The following URI1 variants were observed in gnomAD, a reference collection of about 807,000 sequenced individuals.
The protein encoded by URI1 is unconventional prefoldin RPB5 interactor 1.
Under a neutral mutation model 60.2 loss-of-function variants are expected in URI1, and 39 were observed. The observed-to-expected ratio is 0.65, with a 90% CI of 0.50 to 0.85. The LOEUF (loss-of-function observed/expected upper bound fraction) is 0.85, where lower values mean the gene tolerates loss of function less well. Among genes scored for constraint, URI1 ranks in the 40% least tolerant of loss-of-function variants. The probability of loss-of-function intolerance (pLI) is 0.00; values close to 1 mark genes in which losing one functional copy is unlikely to be tolerated. For synonymous variants in URI1, 251 were observed against 236.8 expected (o/e 1.06, Z -0.55); for missense variants, 691 against 665.9 (o/e 1.04, Z -0.42).
intron 4 of URI1, among the ~76,000 whole-genome samples, chr19:30,002,805 G>C (rs987348462): frequency 2.0e-5 from 3 of 151,812 alleles, no homozygotes; most frequent in African/African-American, 7.2e-5. Context: ...TAAAATGTTT[G>C]AGATTAAAAT....
chr19:29,959,487 A>G (rs943050128), intron 1 of URI1, among the ~76,000 whole-genome samples: 2 of 152,182 alleles, frequency 1.3e-5, no homozygotes, highest in East Asian at 1.9e-4. Flanking sequence ...TCTGGGCCCA[A>G]TATTTTTCTT....
chr19:29,934,300 ATAGT>A (rs1165773088), intron 1 of URI1, among the ~76,000 whole-genome samples: 1 of 152,088 alleles, frequency 6.6e-6, no homozygotes, highest in African/African-American at 2.4e-5. Context: ...CCTAAGCCAC[ATAGT>A]TAGGTTATTG....
chr19:29,953,245 G>A (rs1364707918), intron 1 of URI1, among the ~76,000 whole-genome samples: 2 of 152,038 alleles, frequency 1.3e-5, no homozygotes, highest in East Asian at 1.9e-4. Context: ...TTAAAATTAA[G>A]TAAAATAAAA....
At chr19:29,985,880 CAA>C (rs1023129067) in intron 3 of URI1, among the ~76,000 whole-genome samples, 51 of 152,274 alleles carry the variant, frequency 3.3e-4, no homozygotes, top group African/African-American at 1.2e-3. Context: ...TCCTGCTTTG[CAA>C]AAGTGTCTAC....
At chr19:29,936,202 C>T (rs2145206653) in intron 1 of URI1, among the ~76,000 whole-genome samples, 1 of 152,272 alleles carries the variant, frequency 6.6e-6, no homozygotes, top group African/African-American at 2.4e-5. Context: ...TTCCCAGGTT[C>T]AAGCAATTCT....
chr19:29,931,910 T>TTTTGTGTGTG (rs1555734364), intron 1 of URI1, among the ~76,000 whole-genome samples: 1 of 139,992 alleles, frequency 7.1e-6, no homozygotes, highest in Non-Finnish European at 1.5e-5. Flanking sequence ...GCTCTAACAG[T>TTTTGTGTGTG]TGTGTGTGTG....
intron 4 of URI1, among the ~76,000 whole-genome samples, chr19:29,993,111 G>T (rs893151685): frequency 2.6e-5 from 4 of 152,072 alleles, no homozygotes; most frequent in Non-Finnish European, 4.4e-5. Context: ...TGCATACTTA[G>T]TCTTCATTTT....
At chr19:29,982,295 A>C (rs1180167321) in intron 2 of URI1, among the ~76,000 whole-genome samples, 1 of 152,232 alleles carries the variant, frequency 6.6e-6, no homozygotes, top group East Asian at 1.9e-4. Context: ...AATTATTAAT[A>C]AGTTGAAAAC....
At chr19:29,978,548 T>G (rs2055553812) in intron 2 of URI1, among the ~76,000 whole-genome samples, 2 of 152,168 alleles carry the variant, frequency 1.3e-5, no homozygotes, top group African/African-American at 4.8e-5. Flanking sequence ...CACAGAGTCC[T>G]GTTTGAGGAT....
intron 1 of URI1, among the ~76,000 whole-genome samples, chr19:29,944,819 A>T (rs934758797): frequency 1.3e-5 from 2 of 152,248 alleles, no homozygotes; most frequent in African/African-American, 4.8e-5. Context: ...CAGGAGACCC[A>T]CAAGGCCACA....
chr19:30,003,072 A>G (rs2055897500), intron 4 of URI1, among the ~76,000 whole-genome samples: 1 of 152,038 alleles, frequency 6.6e-6, no homozygotes, highest in Non-Finnish European at 1.5e-5. Flanking sequence ...CTAATGTTAA[A>G]TCTCAGAGTT....
At chr19:30,010,060 T>G (rs993303883) in intron 8 of URI1, among the ~76,000 whole-genome samples, 1 of 152,180 alleles carries the variant, frequency 6.6e-6, no homozygotes, top group Non-Finnish European at 1.5e-5. Context: ...CTCTGCTCCA[T>G]GTACTGCTCT....
chr19:29,944,575 T>C (rs1221540765), intron 1 of URI1, among the ~76,000 whole-genome samples: 1 of 152,184 alleles, frequency 6.6e-6, no homozygotes, highest in Non-Finnish European at 1.5e-5. Context: ...TGAGTTACAT[T>C]GGAAGAGAGA....
chr19:30,013,101 G>T (rs1373799922), intron 10 of URI1, among the ~76,000 whole-genome samples: 7 of 152,190 alleles, frequency 4.6e-5, no homozygotes, highest in Non-Finnish European at 1.0e-4. Context: ...GTTTTTGGTG[G>T]TGGTGCAGGG....
At chr19:30,001,168 GT>G (rs1335464863) in intron 4 of URI1, among the ~76,000 whole-genome samples, 7 of 151,398 alleles carry the variant, frequency 4.6e-5, no homozygotes, top group African/African-American at 1.7e-4. Flanking sequence ...TAGCATTAAT[GT>G]TCAAGAATTT....
At chr19:29,982,829 T>A (rs566701683) in intron 2 of URI1, among the ~76,000 whole-genome samples, 1 of 152,254 alleles carries the variant, frequency 6.6e-6, no homozygotes, top group Non-Finnish European at 1.5e-5. Context: ...TTTTGAGTTT[T>A]GGAACCAAAA....
intron 1 of URI1, among the ~76,000 whole-genome samples, chr19:29,964,465 T>TG (rs1024038328): frequency 3.7e-5 from 4 of 109,236 alleles, no homozygotes; most frequent in African/African-American, 1.3e-4. Flanking sequence ...TTTTGTTTTG[T>TG]TTTTTTTTTT....
At chr19:29,979,117 T>G (rs1033982687) in intron 2 of URI1, among the ~76,000 whole-genome samples, 2 of 152,194 alleles carry the variant, frequency 1.3e-5, no homozygotes, top group Non-Finnish European at 2.9e-5. Context: ...ATAGAAAGTG[T>G]AAAGTAGCAA....
At chr19:29,958,374 G>T (rs191768197) in intron 1 of URI1, among the ~76,000 whole-genome samples, 1 of 152,052 alleles carries the variant, frequency 6.6e-6, no homozygotes, top group African/African-American at 2.4e-5. Flanking sequence ...GTAGCTACTC[G>T]TTATGAAAAT....
Sources: gnomAD v4.1 joint callset for allele counts (sites outside exome capture counted in the v4.1 genomes callset) on GRCh38, gnomAD v4.1.1 for gene constraint, MANE v1.5 for transcripts, NCBI Gene and HGNC (gene_info 2026-07-23, HGNC 2026-07-21) for gene names.